Variants in ADAMTS2 observed in about 807,000 individuals in gnomAD.
The protein encoded by ADAMTS2 is A disintegrin and metalloproteinase with thrombospondin motifs 2.
A neutral mutation model predicts 123.0 loss-of-function variants in ADAMTS2; 50 were observed. The observed-to-expected ratio is 0.41, with a 90% CI of 0.32 to 0.51. The LOEUF is 0.51. Among genes scored for constraint, ADAMTS2 ranks in the 20% least tolerant of loss-of-function variants. The pLI, the probability that ADAMTS2 is intolerant of heterozygous loss-of-function variation, is 0.35. For synonymous variants in ADAMTS2, 678 were observed against 695.4 expected (o/e 0.98, Z 0.39); for missense variants, 1,494 against 1,705.2 (o/e 0.88, Z 2.18).
intron 2 of ADAMTS2, among the ~76,000 whole-genome samples, chr5:179,291,661 C>T (rs1410245555): frequency 6.6e-6 from 1 of 152,130 alleles, no homozygotes; most frequent in Non-Finnish European, 1.5e-5. Flanking sequence ...AAGTAACAGC[C>T]TCAGGACTGA....
intron 12 of ADAMTS2, among the ~76,000 whole-genome samples, chr5:179,136,267 A>ACCAAGCCAG (rs1763065593): frequency 6.6e-6 from 1 of 151,924 alleles, no homozygotes; most frequent in African/African-American, 2.4e-5. Context: ...GCTTTTCCCA[A>ACCAAGCCAG]CCAAGCCAGC....
chr5:179,137,166 C>G (rs550309801), intron 12 of ADAMTS2, among the ~76,000 whole-genome samples: 178 of 152,332 alleles, frequency 1.2e-3, no homozygotes, highest in Middle Eastern at 3.4e-3. Context: ...CAACCCTGCA[C>G]TGGCCCACAT....
chr5:179,225,941 G>C lies in ADAMTS2; in HGVS notation c.689-18226C>G, dbSNP rs6881376. Among the ~76,000 whole-genome samples the C allele has an allele frequency of 0.28, 42,415 of 152,126 alleles. 7,061 individuals carry two copies. Among genetic ancestry groups the C allele is most frequent in the African/African-American group, 0.46 (19,212 of 41,466 alleles). ...CACAAGCCGCCTACAGACAGCTAAA[G>C]TAAAAGAGCACATGCAGCACACGCC... On this transcript the variant is annotated intron_variant, in intron 3 of 21. Transcript: ENST00000251582. The surrounding 1 kb of genome is among the most constrained non-coding windows in gnomAD (Gnocchi z 4.5).
chr5:179,253,671 T>C (rs76935786), intron 3 of ADAMTS2, among the ~76,000 whole-genome samples: 371 of 151,814 alleles, frequency 2.4e-3, no homozygotes, highest in African/African-American at 8.6e-3. Context: ...CATCCCTTTT[T>C]CTCTAATTTG....
intron 4 of ADAMTS2, among the ~76,000 whole-genome samples, chr5:179,193,280 T>C (rs754632821): frequency 6.6e-6 from 1 of 152,168 alleles, no homozygotes; most frequent in Non-Finnish European, 1.5e-5. Context: ...GAACAACTGC[T>C]CGCCTCGCTG....
At chr5:179,240,046 G>T (rs146002720) in intron 3 of ADAMTS2, among the ~76,000 whole-genome samples, 1 of 152,180 alleles carries the variant, frequency 6.6e-6, no homozygotes, top group Non-Finnish European at 1.5e-5. Context: ...TCTCCACCTA[G>T]GGGGTGCTGC....
intron 5 of ADAMTS2, among the ~76,000 whole-genome samples, chr5:179,161,301 C>A (rs1312539514): frequency 1.3e-5 from 2 of 152,084 alleles, no homozygotes; most frequent in Non-Finnish European, 2.9e-5. Flanking sequence ...TGGGATGGCA[C>A]AAGAAGGAAG....
chr5:179,132,865 C>G lies in ADAMTS2; in HGVS notation c.2121G>C (p.Lys707Asn). The G allele has an allele frequency of 1.2e-6, 2 of 1,614,052 alleles. No individual in the cohort carries two copies. Among genetic ancestry groups the G allele is most frequent in the Non-Finnish European group, 1.7e-6 (2 of 1,179,988 alleles). Residue 707 changes from lysine (K) to asparagine (N), a missense_variant, in exon 14 of 22, where the codon AAG becomes AAC. This residue lies in a region of ADAMTS2 where 953 missense variants were observed against 1,124.7 expected (regional missense o/e 0.85). Transcript: ENST00000251582. The surrounding 1 kb of genome is among the most constrained non-coding windows in gnomAD (Gnocchi z 6.1). ...VGCDGVIGSS[K>N]QEDKCGVCGG... ...CGCACACGCCACACTTGTCTTCCTG[C>G]TTGCTGGAGCCGATCACACCGTCAC...
rs1765253891 is a variant in ADAMTS2, at chr5:179,225,255, A to G, written c.689-17540T>C. Among the ~76,000 whole-genome samples, 1 of 152,244 alleles carries G rather than the reference A, an allele frequency of 6.6e-6. No homozygotes were observed. Among genetic ancestry groups the G allele is most frequent in the Admixed American group, 6.5e-5 (1 of 15,286 alleles). On this transcript the variant is annotated intron_variant, in intron 3 of 21. Transcript: ENST00000251582. This position sits in a 1 kb window ranked among gnomAD's most constrained non-coding sequence, Gnocchi z 4.5. ...CAGACAAAGGACTAATTTCCTTAAT[A>G]CATAAAGCGCTCTTACAAATCAACA...
intron 12 of ADAMTS2, 74 bp from the exon 13 acceptor site, chr5:179,136,116 G>A: frequency 1.2e-6 from 2 of 1,611,138 alleles, no homozygotes; most frequent in Admixed American, 1.7e-5. Context: ...GAGGCACCAA[G>A]CAGGAGAAAT....
intron 10 of ADAMTS2, among the ~76,000 whole-genome samples, chr5:179,141,444 G>A (rs1452736703): frequency 6.6e-6 from 1 of 152,148 alleles, no homozygotes; most frequent in Non-Finnish European, 1.5e-5. Flanking sequence ...ACTTTGAATG[G>A]AAGTGTAAGG....
rs897696853 is a variant in ADAMTS2 at position 179,307,222 on chromosome 5, G to A, written c.535-34158C>T. Among the ~76,000 whole-genome samples, 2 of 152,132 alleles carry A rather than the reference G, an allele frequency of 1.3e-5. No homozygotes were observed. Among genetic ancestry groups the A allele is most frequent in the Admixed American group, 6.5e-5 (1 of 15,278 alleles). On this transcript the variant is annotated intron_variant, in intron 2 of 21. Coordinates refer to ENST00000251582, the MANE Select transcript of ADAMTS2 (RefSeq NM_014244.5). The surrounding 1 kb of genome is among the most constrained non-coding windows in gnomAD (Gnocchi z 5.6). The stretch of plus-strand genomic sequence containing the variant: ...ACGCGCCCCTGCCCTGCTGTGCTCC[G>A]CCATCTGCCCCAGCAGTGCTGTGAG...
intron 5 of ADAMTS2, among the ~76,000 whole-genome samples, chr5:179,163,010 G>T (rs970479380): frequency 6.6e-6 from 1 of 152,210 alleles, no homozygotes; most frequent in African/African-American, 2.4e-5. Flanking sequence ...CTTTGAGGAG[G>T]AGTCAAGAGT....
chr5:179,329,259 A>G (rs186080526), intron 2 of ADAMTS2, among the ~76,000 whole-genome samples: 309 of 151,112 alleles, frequency 2.0e-3, no homozygotes, highest in Admixed American at 8.9e-3. Flanking sequence ...CCCAGGAGGC[A>G]GAGCTTGCAG....
At chr5:179,198,939 C>T (rs556526359) in intron 4 of ADAMTS2, among the ~76,000 whole-genome samples, 91 of 152,228 alleles carry the variant, frequency 6.0e-4, no homozygotes, top group African/African-American at 1.3e-3. Flanking sequence ...CCTCTTAGCA[C>T]GGCTGGCTTC....
chr5:179,330,264 C>T (rs1306568393), intron 2 of ADAMTS2, among the ~76,000 whole-genome samples: 2 of 152,150 alleles, frequency 1.3e-5, no homozygotes, highest in Non-Finnish European at 2.9e-5. Flanking sequence ...CACCTGCAGG[C>T]AGGTTGGGGG....
intron 2 of ADAMTS2, among the ~76,000 whole-genome samples, chr5:179,274,560 G>GAT (rs1332027793): frequency 6.6e-6 from 1 of 152,220 alleles, no homozygotes; most frequent in Non-Finnish European, 1.5e-5. Flanking sequence ...GTAACCTCAT[G>GAT]ATGGCCTCTG....
chr5:179,203,584 G>A (rs1479881265), intron 4 of ADAMTS2, among the ~76,000 whole-genome samples: 1 of 152,230 alleles, frequency 6.6e-6, no homozygotes, highest in Non-Finnish European at 1.5e-5. Flanking sequence ...CAGATCCTCT[G>A]TGCACAGGCC....
chr5:179,122,960 C>G, intron 19 of ADAMTS2, 187 bp from the exon 20 acceptor site: 2 of 779,316 alleles, frequency 2.6e-6, no homozygotes, highest in Non-Finnish European at 2.1e-6. Flanking sequence ...TCCTGGGGCT[C>G]TAAAGAAGGG....
Sources: allele counts gnomAD v4.1 joint callset (sites outside exome capture counted in the v4.1 genomes callset), GRCh38; gene constraint gnomAD v4.1.1; regional missense constraint gnomAD v4.1.1; non-coding constraint Gnocchi (gnomAD v3.1); transcripts MANE v1.5; gene names NCBI Gene and HGNC (gene_info 2026-07-23, HGNC 2026-07-21).